ADAMTS19: variants seen among roughly 807,000 people sequenced by gnomAD.
ADAMTS19 encodes ADAM metallopeptidase with thrombospondin type 1 motif 19, also known as A disintegrin and metalloproteinase with thrombospondin motifs 19.
In ADAMTS19, 93 loss-of-function variants were observed where a neutral mutation model predicts 153.3. The ratio of observed to expected loss-of-function variants is 0.61; its 90% CI spans 0.51 to 0.72. The LOEUF (loss-of-function observed/expected upper bound fraction) is 0.72, where lower values mean the gene tolerates loss of function less well. Ranked by LOEUF, ADAMTS19 falls within the 30% of genes least tolerant of loss-of-function variation. The probability of loss-of-function intolerance (pLI) is 0.00; values close to 1 mark genes in which losing one functional copy is unlikely to be tolerated. For missense variants in ADAMTS19, 1,482 were observed against 1,552.1 expected (o/e 0.95, Z 0.76); for synonymous variants, 600 against 556.6 (o/e 1.08, Z -1.10).
intron 7 of ADAMTS19, among the ~76,000 whole-genome samples, chr5:129,562,244 T>C (rs1753550615): frequency 6.6e-6 from 1 of 152,212 alleles, no homozygotes. Flanking sequence ...TATCCATACT[T>C]CCTTTTTGTT....
At position 129,460,480 on chromosome 5, in the gene ADAMTS19, C is replaced by T. The variant is rs1749609459; in HGVS notation, c.89C>T (p.Ser30Leu). ...QLGFLSNGIV[S>L]ELQFAPDREE... ...GGGTTCCTGTCGAATGGGATCGTTT[C>T]AGGTAAGTTCTTCCGTGACTTTCTC... Residue 30 changes from serine (S) to leucine (L), a missense_variant and splice_region_variant, in exon 1 of 23, where the codon TCA (serine) becomes TTA (leucine). By Grantham distance (145) the Ser-to-Leu change is moderately radical. Around this residue, in one of 2 missense-constraint regions of ADAMTS19, gnomAD observed 866 missense variants for 827.7 expected, o/e 1.05. Transcript: ENST00000274487. 1.2e-6 allele frequency: 2 copies of T among 1,614,040 alleles called. No homozygotes were observed. Among genetic ancestry groups the T allele is most frequent in the Non-Finnish European group, 8.5e-7 (1 of 1,180,022 alleles).
intron 7 of ADAMTS19, among the ~76,000 whole-genome samples, chr5:129,590,911 C>T (rs1447036561): frequency 2.6e-5 from 4 of 152,152 alleles, no homozygotes; most frequent in Non-Finnish European, 5.9e-5. Context: ...ACATGTTAAT[C>T]TTTGTTTCAG....
intron 7 of ADAMTS19, among the ~76,000 whole-genome samples, chr5:129,595,157 G>T (rs1175696973): frequency 2.0e-5 from 3 of 152,070 alleles, no homozygotes; most frequent in African/African-American, 7.2e-5. Context: ...ATAGGCCTGT[G>T]GATACCAGGC....
chr5:129,703,711 G>A (rs368159276), intron 20 of ADAMTS19, among the ~76,000 whole-genome samples: 96 of 152,148 alleles, frequency 6.3e-4, no homozygotes, highest in Middle Eastern at 3.4e-3. Flanking sequence ...CAACCGGGGC[G>A]ACAGAATGAG....
rs949909948 is a variant in ADAMTS19, at chr5:129,680,316, A to G, written c.2664+395A>G. Among the ~76,000 whole-genome samples the G allele has an allele frequency of 2.6e-5, 4 of 152,212 alleles. No individual in the cohort carries two copies. In the East Asian group the frequency reaches 5.8e-4, roughly 22 times the overall value. On this transcript the variant is annotated intron_variant, in intron 17 of 22. Coordinates refer to ENST00000274487, the MANE Select transcript of ADAMTS19 (RefSeq NM_133638.6). ...TTATCTGACTCTGCATAAAAACCTT[A>G]GATAAAATGTTATTCTACCCGAGAG...
intron 3 of ADAMTS19, among the ~76,000 whole-genome samples, chr5:129,511,608 C>T (rs565309347): frequency 5.3e-5 from 8 of 151,140 alleles, no homozygotes; most frequent in African/African-American, 1.7e-4. Flanking sequence ...ATAAGAACTA[C>T]AATAGACTTA....
chr5:129,580,752 T>C (rs1048954732), intron 7 of ADAMTS19, among the ~76,000 whole-genome samples: 1 of 152,208 alleles, frequency 6.6e-6, no homozygotes, highest in Admixed American at 6.5e-5. Context: ...TTTGTGTATG[T>C]TGAACCAGCC....
chr5:129,509,110 T>A lies in ADAMTS19; in HGVS notation c.781T>A (p.Phe261Ile). Residue 261 changes from phenylalanine (F) to isoleucine (I), a missense_variant, in exon 3 of 23, where the codon TTT (phenylalanine) becomes ATT (isoleucine). Physicochemically the swap from Phe to Ile is conservative, Grantham distance 21. Coordinates refer to ENST00000274487, the MANE Select transcript of ADAMTS19 (RefSeq NM_133638.6). Reference sequence around the variant, plus strand: ...TATACAGCTCAATGAGGACTTCATATTTATTGAGCCACTCAATGATACAAT... The same window carrying A: ...TATACAGCTCAATGAGGACTTCATAATTATTGAGCCACTCAATGATACAAT... ...GFIQLNEDFI[F>I]IEPLNDTMAI... is the part of the protein sequence containing the mutation. The A allele has an allele frequency of 6.2e-7, 1 of 1,611,144 alleles. No individual in the cohort carries two copies. The highest frequency in any genetic ancestry group is 2.2e-5 in the East Asian group (1 of 44,754).
intron 10 of ADAMTS19, among the ~76,000 whole-genome samples, chr5:129,625,800 T>A: frequency 6.6e-6 from 1 of 152,194 alleles, no homozygotes; most frequent in Non-Finnish European, 1.5e-5. Context: ...GGTTGCCTGT[T>A]CACTCTGATG....
At position 129,648,880 on chromosome 5, in the gene ADAMTS19, C is replaced by A. The variant is rs758476999; in HGVS notation, c.2086C>A (p.Pro696Thr). The A allele has an allele frequency of 4.3e-6, 7 of 1,613,766 alleles. No individual in the cohort carries two copies. Among genetic ancestry groups the A allele is most frequent in the Non-Finnish European group, 5.1e-6 (6 of 1,179,834 alleles). Residue 696 changes from proline (P) to threonine (T), a missense_variant, in exon 13 of 23, where the codon CCT becomes ACT. Physicochemically the swap from Pro to Thr is conservative, Grantham distance 38 (BLOSUM62 -1). Transcript: ENST00000274487. Reference protein sequence around the residue: ...CENPPCPAGLPGFRDWQCQAY... With the variant: ...CENPPCPAGLTGFRDWQCQAY... ...GAATCCACCTTGTCCTGCAGGTTTG[C>A]CTGGATTCAGAGACTGGCAATGTCA... is the stretch of plus-strand genomic sequence containing the variant.
At chr5:129,527,675 AT>A in intron 4 of ADAMTS19, 72 bp from the exon 5 acceptor site, 1 of 608,580 alleles carries the variant, frequency 1.6e-6, no homozygotes, top group Non-Finnish European at 2.8e-6. Context: ...AGACATCTCC[AT>A]GTATGGGCCT....
intron 11 of ADAMTS19, among the ~76,000 whole-genome samples, chr5:129,646,701 A>C: frequency 6.6e-6 from 1 of 152,318 alleles, no homozygotes; most frequent in Admixed American, 6.5e-5. Context: ...GAAATGAGCA[A>C]GCTGAGAATC....
At chr5:129,523,574 T>C (rs1751899695) in intron 3 of ADAMTS19, among the ~76,000 whole-genome samples, 1 of 152,168 alleles carries the variant, frequency 6.6e-6, no homozygotes, top group Non-Finnish European at 1.5e-5. Context: ...CTGCATAATG[T>C]GACATGTAAG....
Position 129,735,111 on chromosome 5 carries a change from T to C in ADAMTS19, c.3490+2T>C, listed in dbSNP as rs1440225154. On this transcript the variant is annotated splice_donor_variant, in intron 22 of 22. Transcript: ENST00000274487. LOFTEE classifies it high-confidence loss of function. The stretch of plus-strand genomic sequence containing the variant: ...ATACCATAACATCACCCAGACTGGG[T>C]AAGCAGACAAAAAAAAAAGATGCTT... 1 of 1,555,084 alleles carries C rather than the reference T, an allele frequency of 6.4e-7. No individual in the cohort carries two copies. Among genetic ancestry groups the C allele is most frequent in the Non-Finnish European group, 8.6e-7 (1 of 1,156,122 alleles).
At chr5:129,463,504 T>C (rs990699863) in intron 2 of ADAMTS19, among the ~76,000 whole-genome samples, 1 of 152,200 alleles carries the variant, frequency 6.6e-6, no homozygotes, top group Admixed American at 6.5e-5. Flanking sequence ...TACATATGTA[T>C]ATGTTCTAAA....
chr5:129,549,822 CCG>C (rs1753000862), intron 6 of ADAMTS19, among the ~76,000 whole-genome samples: 2 of 142,020 alleles, frequency 1.4e-5, no homozygotes, highest in African/African-American at 5.3e-5. Flanking sequence ...ATACATGTAT[CCG>C]TATATGTATA....
At chr5:129,721,720 T>C (rs1472318295) in intron 21 of ADAMTS19, among the ~76,000 whole-genome samples, 1 of 152,150 alleles carries the variant, frequency 6.6e-6, no homozygotes, top group African/African-American at 2.4e-5. Flanking sequence ...AAGCCCTGCA[T>C]GCATTAGCTA....
Position 129,658,699 on chromosome 5 carries a change from A to C in ADAMTS19, c.2387A>C (p.Lys796Thr), listed in dbSNP as rs761793276. ...GVCNGNGKSC[K>T]IIKGDFNHTR... Reference sequence around the variant, plus strand: ...TGCAATGGCAATGGAAAATCATGCAAGATCATTAAAGGGGATTTTAATCAC... The same window carrying C: ...TGCAATGGCAATGGAAAATCATGCACGATCATTAAAGGGGATTTTAATCAC... The change falls in exon 15 of 23, where the codon AAG becomes ACG. Residue 796 changes from lysine to threonine, a missense_variant. By Grantham distance (78) the Lys-to-Thr change is moderately conservative (BLOSUM62 -1). Coordinates refer to ENST00000274487, the MANE Select transcript of ADAMTS19 (RefSeq NM_133638.6). 1 of 1,612,946 alleles carries C rather than the reference A, an allele frequency of 6.2e-7. No homozygotes were observed.
At chr5:129,716,573 C>CT (rs35089778) in intron 21 of ADAMTS19, among the ~76,000 whole-genome samples, 7,165 of 137,218 alleles carry the variant, frequency 0.052, 525 homozygotes, top group African/African-American at 0.17. Context: ...CTTCCAGTTT[C>CT]TTTTTTTTTT....
Sources: gnomAD v4.1 joint callset for allele counts (sites outside exome capture counted in the v4.1 genomes callset) on GRCh38, gnomAD v4.1.1 for gene constraint, gnomAD v4.1.1 regional missense constraint, MANE v1.5 for transcripts, NCBI Gene and HGNC (gene_info 2026-07-23, HGNC 2026-07-21) for gene names.